The following PDE4B variants were observed in gnomAD, a reference collection of about 807,000 sequenced individuals.
PDE4B encodes the protein phosphodiesterase 4B, also known as 3',5'-cyclic-AMP phosphodiesterase 4B.
PDE4B carries 20 observed loss-of-function variants against 82.2 expected under a neutral mutation model. That is an observed-to-expected ratio of 0.24 (90% CI 0.17 to 0.35). The LOEUF is 0.35. Ranked by LOEUF, PDE4B falls within the 10% of genes least tolerant of loss-of-function variation. The pLI, the probability that PDE4B is intolerant of heterozygous loss-of-function variation, is 1.00. For synonymous variants in PDE4B, 320 were observed against 318.9 expected (o/e 1.00, Z -0.04); for missense variants, 655 against 907.2 (o/e 0.72, Z 3.57).
At chr1:66,107,585 T>G (rs1441365523) in intron 3 of PDE4B, among the ~76,000 whole-genome samples, 1 of 151,988 alleles carries the variant, frequency 6.6e-6, no homozygotes, top group African/African-American at 2.4e-5. Context: ...CCAAAAATAC[T>G]TTTTATTTGT....
chr1:66,293,219 T>A (rs550248864), intron 7 of PDE4B, among the ~76,000 whole-genome samples: 1 of 152,154 alleles, frequency 6.6e-6, no homozygotes, highest in Admixed American at 6.5e-5. Flanking sequence ...TTTACACCGC[T>A]TGCTTGGACA....
chr1:65,929,825 G>A (rs1250153137), intron 3 of PDE4B, among the ~76,000 whole-genome samples: 1 of 152,126 alleles, frequency 6.6e-6, no homozygotes, highest in African/African-American at 2.4e-5. Context: ...AACAATCCAT[G>A]CCAAGGACTA....
intron 7 of PDE4B, among the ~76,000 whole-genome samples, chr1:66,271,950 T>G (rs567647240): frequency 6.6e-6 from 1 of 152,366 alleles, no homozygotes; most frequent in African/African-American, 2.4e-5. Context: ...GGCATGTCGC[T>G]GCATCCCCTC....
At chr1:65,848,839 T>A (rs1022118116) in intron 1 of PDE4B, among the ~76,000 whole-genome samples, 3 of 152,160 alleles carry the variant, frequency 2.0e-5, no homozygotes, top group African/African-American at 7.2e-5. Flanking sequence ...ATAAAGCTAC[T>A]CTCAATATTT....
intron 3 of PDE4B, among the ~76,000 whole-genome samples, chr1:66,204,635 G>C (rs939763892): frequency 7.2e-5 from 11 of 152,228 alleles, no homozygotes; most frequent in African/African-American, 2.7e-4. Flanking sequence ...ATGGGCGTAG[G>C]ATCCTCTGAG....
intron 3 of PDE4B, among the ~76,000 whole-genome samples, chr1:65,936,789 C>T (rs531814468): frequency 1.1e-3 from 167 of 152,246 alleles, no homozygotes; most frequent in African/African-American, 3.9e-3. Context: ...AAAGTGGGCC[C>T]TTGAACTCTC....
At chr1:66,057,395 T>C (rs1025917344) in intron 3 of PDE4B, among the ~76,000 whole-genome samples, 2 of 152,238 alleles carry the variant, frequency 1.3e-5, no homozygotes, top group African/African-American at 4.8e-5. Context: ...GGCCTCTTTC[T>C]TTCTTGGTTT....
At position 65,793,399 on chromosome 1, in the gene PDE4B, G is replaced by C. The variant is rs76916995; in HGVS notation, c.-71+151G>C. ...GCCGGGCCTGGATGGTCGTCTTGAC[G>C]GCGTCATTGTCGCCCCTTGTAGGAA... On this transcript the variant is annotated intron_variant, in intron 1 of 16. Coordinates refer to ENST00000341517, the MANE Select transcript of PDE4B (RefSeq NM_002600.4). Among the ~76,000 whole-genome samples, 8 of 152,338 alleles carry C rather than the reference G, an allele frequency of 5.3e-5. 1 individual carries two copies. The highest frequency in any genetic ancestry group is 5.2e-4 in the Admixed American group (8 of 15,302).
At chr1:66,332,231 C>A in intron 7 of PDE4B, 1 of 1,445,928 alleles carries the variant, frequency 6.9e-7, no homozygotes, top group Admixed American at 2.8e-5. Flanking sequence ...ACCGTTCCCT[C>A]CGCCTTCTTC....
chr1:65,977,027 C>G (rs1324581187), intron 3 of PDE4B, among the ~76,000 whole-genome samples: 3 of 152,174 alleles, frequency 2.0e-5, no homozygotes, highest in African/African-American at 4.8e-5. Context: ...AGAAAGTTCA[C>G]ACTCACTATG....
intron 1 of PDE4B, among the ~76,000 whole-genome samples, chr1:65,836,334 C>G (rs1225602056): frequency 6.6e-6 from 1 of 152,190 alleles, no homozygotes; most frequent in Admixed American, 6.5e-5. Context: ...GTCATCTCTA[C>G]TCTGTAAGAT....
chr1:65,882,956 T>C (rs1646726032), intron 1 of PDE4B, among the ~76,000 whole-genome samples: 1 of 152,148 alleles, frequency 6.6e-6, no homozygotes, highest in Admixed American at 6.6e-5. Context: ...GAACTTGGAA[T>C]TTATGTCTTC....
chr1:65,824,397 G>A (rs1285963829), intron 1 of PDE4B, among the ~76,000 whole-genome samples: 10 of 151,926 alleles, frequency 6.6e-5, no homozygotes, highest in Admixed American at 4.6e-4. Flanking sequence ...TTTAGTGTGA[G>A]TATGCTTAAA....
At chr1:65,900,923 T>C (rs979426329) in intron 1 of PDE4B, among the ~76,000 whole-genome samples, 4 of 152,132 alleles carry the variant, frequency 2.6e-5, no homozygotes, top group African/African-American at 7.2e-5. Context: ...TTGACTTTTT[T>C]TCCTATTTGG....
chr1:66,123,540 C>T (rs963740565), intron 3 of PDE4B, among the ~76,000 whole-genome samples: 2 of 150,920 alleles, frequency 1.3e-5, no homozygotes, highest in Admixed American at 6.6e-5. Context: ...TTTTCTCCCT[C>T]TCTCCCTCCC....
chr1:66,124,941 G>GTA (rs1645790960), intron 3 of PDE4B, among the ~76,000 whole-genome samples: 1 of 151,632 alleles, frequency 6.6e-6, no homozygotes, highest in African/African-American at 2.4e-5. Context: ...GTGTGTGTGT[G>GTA]TGCCCTGCGA....
intron 2 of PDE4B, among the ~76,000 whole-genome samples, chr1:65,915,604 A>G (rs1342837192): frequency 1.3e-5 from 2 of 152,174 alleles, no homozygotes; most frequent in African/African-American, 4.8e-5. Context: ...CTACTTAAGC[A>G]CCAGCATTTC....
chr1:66,049,378 G>T (rs1654893444), intron 3 of PDE4B, among the ~76,000 whole-genome samples: 1 of 152,020 alleles, frequency 6.6e-6, no homozygotes, highest in Non-Finnish European at 1.5e-5. Context: ...AAGAGTGGGA[G>T]TGTGGTGTCT....
intron 8 of PDE4B, among the ~76,000 whole-genome samples, chr1:66,334,231 A>T (rs1448393883): frequency 2.6e-5 from 4 of 152,208 alleles, no homozygotes; most frequent in Non-Finnish European, 5.9e-5. Context: ...AAAATATACT[A>T]ACTAGAGTCA....
Sources: allele counts gnomAD v4.1 joint callset (sites outside exome capture counted in the v4.1 genomes callset), GRCh38; gene constraint gnomAD v4.1.1; transcripts MANE v1.5; gene names NCBI Gene and HGNC (gene_info 2026-07-23, HGNC 2026-07-21).